PCDH11X: variants seen among roughly 807,000 people sequenced by gnomAD.
PCDH11X encodes protocadherin 11 X-linked.
A neutral mutation model predicts 53.3 loss-of-function variants in PCDH11X; 18 were observed. The observed-to-expected ratio is 0.34, with a 90% confidence interval of 0.23 to 0.50. The LOEUF (loss-of-function observed/expected upper bound fraction) is 0.50. Among genes scored for constraint, PCDH11X ranks in the 20% least tolerant of loss-of-function variants. The pLI is 0.98. For missense variants in PCDH11X, 570 were observed against 1,032.4 expected (o/e 0.55, Z 6.14); for synonymous variants, 279 against 393.3 (o/e 0.71, Z 3.44).
intron 6 of PCDH11X, among the ~76,000 whole-genome samples, chrX:92,008,675 G>A (rs1457514450): frequency 6.5e-4 from 70 of 106,875 alleles, no homozygotes; most frequent in African/African-American, 2.4e-3. Flanking sequence ...TGGTGTCCTT[G>A]CTGGGGGGCA....
chrX:91,876,087 C>CT (rs200677184), intron 5 of PCDH11X, among the ~76,000 whole-genome samples: 1,394 of 111,838 alleles, frequency 0.012, 20 homozygotes, highest in South Asian at 0.048. Flanking sequence ...TTAAAATATA[C>CT]TTTTTTCTTT....
Position 91,858,991 on chromosome X carries a change from G to A in PCDH11X, c.541-17790G>A, listed in dbSNP as rs909690698. ...CCCACTCTACCAGTACCAGTTTACTGTATCAGTCCATTCTCACATGGCTAG... is the reference window on the plus strand; with the variant it reads ...CCCACTCTACCAGTACCAGTTTACTATATCAGTCCATTCTCACATGGCTAG... On this transcript the variant is annotated intron_variant, in intron 5 of 10. Transcript: ENST00000682573. Among the ~76,000 whole-genome samples the A allele has an allele frequency of 2.1e-3, 225 of 108,432 alleles. 2 individuals carry two copies. The highest frequency in any genetic ancestry group is 2.9e-3 in the Non-Finnish European group (151 of 52,207). 94.2% of individuals were successfully genotyped at this position (108,432 alleles called of 115,157 possible).
chrX:92,226,369 C>A (rs1245959077), intron 7 of PCDH11X, among the ~76,000 whole-genome samples: 1 of 111,439 alleles, frequency 9.0e-6, no homozygotes, highest in African/African-American at 3.3e-5. Context: ...AGAAATCTAG[C>A]AAGGCCTATC....
intron 6 of PCDH11X, among the ~76,000 whole-genome samples, chrX:91,924,130 T>C (rs1301542160): frequency 9.1e-6 from 1 of 109,512 alleles, no homozygotes. Flanking sequence ...GTGAATATGA[T>C]GCCTTAGATA....
chrX:92,091,562 T>C (rs1355514041), intron 6 of PCDH11X, among the ~76,000 whole-genome samples: 1 of 111,568 alleles, frequency 9.0e-6, no homozygotes, highest in Non-Finnish European at 1.9e-5. Flanking sequence ...CTTGGTTTTA[T>C]ATATTTTAGG....
At chrX:92,602,503 ACAAT>A (rs1457065446) in intron 10 of PCDH11X, among the ~76,000 whole-genome samples, 2 of 110,916 alleles carry the variant, frequency 1.8e-5, no homozygotes, top group Non-Finnish European at 3.8e-5. Context: ...ATTGCCGAAA[ACAAT>A]CAAGCAATCA....
At chrX:92,050,611 C>G (rs1216441270) in intron 6 of PCDH11X, among the ~76,000 whole-genome samples, 1 of 102,190 alleles carries the variant, frequency 9.8e-6, no homozygotes, top group Non-Finnish European at 2.0e-5. Flanking sequence ...TGGAGACATT[C>G]ATCATGAGCT....
intron 6 of PCDH11X, among the ~76,000 whole-genome samples, chrX:92,131,510 G>A (rs2064970932): frequency 9.0e-6 from 1 of 111,497 alleles, no homozygotes; most frequent in Non-Finnish European, 1.9e-5. Context: ...AAGGAAGAGA[G>A]TTTTATTTCT....
Position 91,868,035 on chromosome X carries a change from A to T in PCDH11X, c.541-8746A>T, listed in dbSNP as rs764277602. 2.8e-3 allele frequency among the ~76,000 whole-genome samples: 315 copies of T among 111,160 alleles called. 1 individual carries two copies. Among genetic ancestry groups the T allele is most frequent in the African/African-American group, 9.8e-3 (299 of 30,563 alleles). On this transcript the variant is annotated intron_variant, in intron 5 of 10. Coordinates refer to ENST00000682573, the MANE Select transcript of PCDH11X (RefSeq NM_032968.5). ...ACTTCTCAAAAACCAGGTCACTGAG[A>T]AATCTGGGACTTTCATTCATATATG... is the stretch of plus-strand genomic sequence containing the variant.
At chrX:92,471,557 T>C in intron 10 of PCDH11X, among the ~76,000 whole-genome samples, 1 of 111,634 alleles carries the variant, frequency 9.0e-6, no homozygotes, top group Admixed American at 9.5e-5. Context: ...TTGTGAGTAG[T>C]GCTGCAGTGA....
chrX:92,179,607 A>G (rs1271705452), intron 6 of PCDH11X, among the ~76,000 whole-genome samples: 1 of 112,061 alleles, frequency 8.9e-6, no homozygotes, highest in Non-Finnish European at 1.9e-5. Flanking sequence ...TTATCTAAAA[A>G]AGTCAGTTTC....
intron 6 of PCDH11X, among the ~76,000 whole-genome samples, chrX:92,019,080 A>G (rs2525153): frequency 9.0e-6 from 1 of 111,350 alleles, no homozygotes; most frequent in East Asian, 2.8e-4. Context: ...CAGTGGTAAG[A>G]CACTGAGAGT....
chrX:92,485,260 G>A (rs1182945601), intron 10 of PCDH11X, among the ~76,000 whole-genome samples: 3 of 110,788 alleles, frequency 2.7e-5, no homozygotes, highest in Non-Finnish European at 3.8e-5. Context: ...ATATAATAGT[G>A]TATTTACCCC....
intron 8 of PCDH11X, among the ~76,000 whole-genome samples, chrX:92,293,679 C>T (rs1478535635): frequency 5.5e-5 from 6 of 109,371 alleles, no homozygotes; most frequent in African/African-American, 2.0e-4. Flanking sequence ...TATTTTGGCA[C>T]GCAGAAGCAC....
At chrX:92,119,895 G>T (rs2064718832) in intron 6 of PCDH11X, among the ~76,000 whole-genome samples, 1 of 109,999 alleles carries the variant, frequency 9.1e-6, no homozygotes, top group Non-Finnish European at 1.9e-5. Flanking sequence ...TTACCCAATA[G>T]CATTTTGGTC....
intron 7 of PCDH11X, among the ~76,000 whole-genome samples, chrX:92,261,030 C>A (rs1206305761): frequency 1.8e-5 from 2 of 111,135 alleles, no homozygotes; most frequent in East Asian, 5.7e-4. Flanking sequence ...TCTATTAAAA[C>A]AGGAGTTGCT....
chrX:92,544,642 C>G (rs1414802099), intron 10 of PCDH11X, among the ~76,000 whole-genome samples: 4 of 110,196 alleles, frequency 3.6e-5, no homozygotes, highest in African/African-American at 1.3e-4. Context: ...TTGAAGACAC[C>G]GTAAATTCAA....
At chrX:92,450,104 T>C in intron 9 of PCDH11X, among the ~76,000 whole-genome samples, 1 of 111,365 alleles carries the variant, frequency 9.0e-6, no homozygotes, top group Non-Finnish European at 1.9e-5. Flanking sequence ...CTCACACAAA[T>C]ATACACTCAA....
chrX:92,300,340 T>C (rs1173062681), intron 8 of PCDH11X, among the ~76,000 whole-genome samples: 1 of 111,483 alleles, frequency 9.0e-6, no homozygotes, highest in African/African-American at 3.3e-5. Flanking sequence ...TTAATTTAGA[T>C]GTAAGAAGAC....
Sources: gnomAD v4.1 joint callset for allele counts (sites outside exome capture counted in the v4.1 genomes callset) on GRCh38, gnomAD v4.1.1 for gene constraint, MANE v1.5 for transcripts, NCBI Gene and HGNC (gene_info 2026-07-23, HGNC 2026-07-21) for gene names.